Variants in MCC observed in about 807,000 individuals in gnomAD.
MCC encodes MCC regulator of Wnt signaling pathway.
MCC carries 90 observed loss-of-function variants against 116.2 expected under a neutral mutation model. That is an observed-to-expected ratio of 0.77 (90% CI 0.65 to 0.92). MCC has a LOEUF of 0.92. Among genes scored for constraint, MCC ranks in the 40% least tolerant of loss-of-function variants. The pLI, the probability that MCC is intolerant of heterozygous loss-of-function variation, is 0.00. For synonymous variants in MCC, 578 were observed against 510.5 expected, an observed-to-expected ratio of 1.13 and a Z score of -1.78; for missense variants, 1,516 against 1,312.2, an observed-to-expected ratio of 1.16 and a Z score of -2.40.
chr5:113,100,508 G>C (rs1756335766), intron 8 of MCC, among the ~76,000 whole-genome samples: 1 of 108,342 alleles, frequency 9.2e-6, no homozygotes, highest in South Asian at 3.2e-4. Flanking sequence ...GTCTCCTTCT[G>C]TCGCCCAGGC....
chr5:113,154,746 C>T (rs1451987108), intron 3 of MCC, among the ~76,000 whole-genome samples: 1 of 151,608 alleles, frequency 6.6e-6, no homozygotes, highest in Non-Finnish European at 1.5e-5. Flanking sequence ...TCCCTCTAGG[C>T]AGTTAAAACT....
chr5:113,445,348 A>G (rs1771179105), intron 1 of MCC, among the ~76,000 whole-genome samples: 1 of 152,190 alleles, frequency 6.6e-6, no homozygotes, highest in African/African-American at 2.4e-5. Context: ...AGAATCCTAA[A>G]GACTCCACCA....
rs1229213218 is a variant in MCC, at chr5:113,220,057, C to CTTTTTTTTTTTTTT, written c.628-68636_628-68635insAAAAAAAAAAAAAA. On this transcript the variant is annotated intron_variant, in intron 3 of 18. Transcript: ENST00000408903. ...AACTTTGGAATCTGCATGTCAATTTCTTTTTCTTTTTTTTTTTTGAGACGG... is the reference window on the plus strand; with the variant it reads ...AACTTTGGAATCTGCATGTCAATTTCTTTTTTTTTTTTTTTTTTTCTTTTTTTTTTTTGAGACGG... Among the ~76,000 whole-genome samples, 22 of 79,606 alleles carry CTTTTTTTTTTTTTT rather than the reference C, an allele frequency of 2.8e-4. 3 individuals are homozygous for CTTTTTTTTTTTTTT. Among genetic ancestry groups the CTTTTTTTTTTTTTT allele is most frequent in the Non-Finnish European group, 4.5e-4 (13 of 28,690 alleles). 52.2% of individuals were successfully genotyped at this position (79,606 alleles called of 152,430 possible).
At chr5:113,132,449 C>T (rs1396331817) in intron 5 of MCC, among the ~76,000 whole-genome samples, 2,875 of 107,674 alleles carry the variant, frequency 0.027, 120 homozygotes, top group African/African-American at 0.088. Flanking sequence ...TATATACACA[C>T]ACACACACAC....
chr5:113,447,094 C>T (rs26989), intron 1 of MCC, among the ~76,000 whole-genome samples: 137,874 of 152,222 alleles, frequency 0.91, 62,752 homozygotes, highest in East Asian at 0.97. Flanking sequence ...GGAGGTAGAG[C>T]TGGATGAAAA....
chr5:113,165,530 C>G (rs1237714061), intron 3 of MCC, among the ~76,000 whole-genome samples: 1 of 152,120 alleles, frequency 6.6e-6, no homozygotes, highest in Admixed American at 6.5e-5. Context: ...TAGCTAAGGA[C>G]AATGCAAGGT....
chr5:113,237,797 G>T (rs762057855), intron 3 of MCC, among the ~76,000 whole-genome samples: 3 of 152,212 alleles, frequency 2.0e-5, no homozygotes, highest in Non-Finnish European at 4.4e-5. Context: ...TTTGATGTTG[G>T]CTGGATGCGA....
intron 3 of MCC, among the ~76,000 whole-genome samples, chr5:113,297,794 G>A (rs1490346149): frequency 6.6e-6 from 1 of 151,230 alleles, no homozygotes; most frequent in Non-Finnish European, 1.5e-5. Context: ...ATGGAAATAG[G>A]AGGGGACAGG....
chr5:113,471,532 G>C (rs1486857912), intron 1 of MCC, among the ~76,000 whole-genome samples: 1 of 152,086 alleles, frequency 6.6e-6, no homozygotes, highest in African/African-American at 2.4e-5. Context: ...TCCTCTGGAA[G>C]TTTTGTCTCA....
chr5:113,307,068 G>T (rs1314441207), intron 3 of MCC, among the ~76,000 whole-genome samples: 1 of 152,160 alleles, frequency 6.6e-6, no homozygotes, highest in Non-Finnish European at 1.5e-5. Context: ...TTCATACAAA[G>T]ATTTAAAATC....
intron 3 of MCC, chr5:113,294,884 CG>C (rs1449743702): frequency 1.0e-6 from 1 of 985,540 alleles, no homozygotes; most frequent in Non-Finnish European, 1.2e-6. Flanking sequence ...TAGAGGGAGC[CG>C]GAGCGGAGCT....
At chr5:113,146,159 T>C (rs1759503644) in intron 4 of MCC, among the ~76,000 whole-genome samples, 2 of 152,174 alleles carry the variant, frequency 1.3e-5, no homozygotes, top group South Asian at 4.1e-4. Context: ...AATGTAATAC[T>C]TCCTCTACAC....
chr5:113,364,238 G>GAAAAAAAAAAAAAAAAAAAAAAAAC (rs60976854), intron 2 of MCC, among the ~76,000 whole-genome samples: 1 of 49,422 alleles, frequency 2.0e-5, no homozygotes, highest in African/African-American at 7.5e-5. Flanking sequence ...CTCAAAAACA[G>GAAAAAAAAAAAAAAAAAAAAAAAAC]AAAAAAAAAA....
chr5:113,064,055 A>G lies in MCC; in HGVS notation c.2142T>C (p.Cys714=). ...AGCCGGCCACGGCAAAGGCTCCCCC[A>G]CAGCTGCCGTCCAGCTTCATGAGCA... is the stretch of plus-strand genomic sequence containing the variant. ...KALLMKLDGS[C]GGAFAVAGCS... The change falls in exon 14 of 19, where the codon TGT becomes TGC. Residue 714 remains cysteine, a synonymous_variant. Coordinates refer to ENST00000408903, the MANE Select transcript of MCC (RefSeq NM_001085377.2). 2 of 1,614,196 alleles carry G rather than the reference A, an allele frequency of 1.2e-6. No homozygotes were observed. The highest frequency in any genetic ancestry group is 1.7e-6 in the Non-Finnish European group (2 of 1,180,034).
At position 113,027,258 on chromosome 5, in the gene MCC, G is replaced by A; in HGVS notation, c.*44C>T. ...GCCCTTCTGTCCCCAGTGGCCTGCT[G>A]CAGTTTACTTCCCATGGGCAGAACT... is the stretch of plus-strand genomic sequence containing the variant. On this transcript the variant is annotated 3_prime_UTR_variant, in exon 19 of 19. Transcript: ENST00000408903. The A allele has an allele frequency of 6.3e-7, 1 of 1,598,794 alleles. No individual in the cohort carries two copies. Among genetic ancestry groups the A allele is most frequent in the South Asian group, 1.1e-5 (1 of 89,400 alleles).
At chr5:113,075,459 G>T (rs1754371860) in intron 11 of MCC, among the ~76,000 whole-genome samples, 2 of 152,252 alleles carry the variant, frequency 1.3e-5, no homozygotes, top group African/African-American at 4.8e-5. Flanking sequence ...TCCGCCAGCG[G>T]TCCCAGCGCA....
At chr5:113,195,392 A>G (rs930080891) in intron 3 of MCC, among the ~76,000 whole-genome samples, 1 of 152,236 alleles carries the variant, frequency 6.6e-6, no homozygotes, top group African/African-American at 2.4e-5. Context: ...TCAACCAGAT[A>G]CAAACTGTCT....
At chr5:113,047,984 G>C (rs182828204) in intron 16 of MCC, among the ~76,000 whole-genome samples, 1 of 152,306 alleles carries the variant, frequency 6.6e-6, no homozygotes, top group African/African-American at 2.4e-5. Context: ...TTACCACCCT[G>C]TGACGGTAGC....
chr5:113,464,532 T>C (rs566746613), intron 1 of MCC, among the ~76,000 whole-genome samples: 1 of 152,310 alleles, frequency 6.6e-6, no homozygotes, highest in African/African-American at 2.4e-5. Flanking sequence ...AAAATTAGCC[T>C]CTCACCCCTG....
Sources: gnomAD v4.1 joint callset for allele counts (sites outside exome capture counted in the v4.1 genomes callset) on GRCh38, gnomAD v4.1.1 for gene constraint, MANE v1.5 for transcripts, NCBI Gene and HGNC (gene_info 2026-07-23, HGNC 2026-07-21) for gene names.